Variants in ERC2 observed in about 807,000 individuals in gnomAD.
ERC2 encodes ERC protein 2.
Under a neutral mutation model 114.8 loss-of-function variants are expected in ERC2, and 42 were observed. The ratio of observed to expected loss-of-function variants is 0.37; its 90% confidence interval spans 0.29 to 0.47. The LOEUF (loss-of-function observed/expected upper bound fraction) is 0.47, where lower values mean the gene tolerates loss of function less well. Ranked by LOEUF, ERC2 falls within the 20% of genes least tolerant of loss-of-function variation. The pLI is 0.99. For synonymous variants in ERC2, 454 were observed against 425.5 expected (o/e 1.07, Z -0.82); for missense variants, 939 against 1,150.7 (o/e 0.82, Z 2.66).
intron 17 of ERC2, among the ~76,000 whole-genome samples, chr3:55,626,571 G>A (rs2059532152): frequency 6.6e-6 from 1 of 152,170 alleles, no homozygotes. Flanking sequence ...ACTGAATAAA[G>A]CCCAAGCCAG....
chr3:55,637,049 C>T (rs1478751908), intron 17 of ERC2, among the ~76,000 whole-genome samples: 1 of 152,202 alleles, frequency 6.6e-6, no homozygotes, highest in East Asian at 1.9e-4. Flanking sequence ...CTCCTGTCTT[C>T]CTGTCCCTCT....
intron 3 of ERC2, among the ~76,000 whole-genome samples, chr3:56,184,605 T>C (rs926697766): frequency 3.3e-5 from 5 of 150,708 alleles, no homozygotes; most frequent in Non-Finnish European, 5.9e-5. Flanking sequence ...ATACCCAAGA[T>C]TGCAAGGGTG....
intron 3 of ERC2, among the ~76,000 whole-genome samples, chr3:56,271,288 G>A (rs189356033): frequency 3.3e-5 from 5 of 152,266 alleles, no homozygotes; most frequent in East Asian, 3.9e-4. Context: ...CAACTGGGAC[G>A]GTTGGTCATC....
intron 6 of ERC2, among the ~76,000 whole-genome samples, chr3:56,092,562 C>T (rs1560160239): frequency 6.6e-6 from 1 of 152,174 alleles, no homozygotes; most frequent in Non-Finnish European, 1.5e-5. Context: ...ACTAACCTTA[C>T]CTCATTGAAC....
At chr3:56,047,683 T>C (rs1280424824) in intron 7 of ERC2, among the ~76,000 whole-genome samples, 1 of 152,312 alleles carries the variant, frequency 6.6e-6, no homozygotes, top group East Asian at 1.9e-4. Context: ...TTTCATACTT[T>C]CAAGTACTTT....
At chr3:56,382,883 G>C (rs544219420) in intron 2 of ERC2, among the ~76,000 whole-genome samples, 1 of 152,200 alleles carries the variant, frequency 6.6e-6, no homozygotes, top group East Asian at 1.9e-4. Context: ...ATGTCTAATA[G>C]ATACCCCAAG....
chr3:55,577,643 A>G (rs1166841779), intron 17 of ERC2, among the ~76,000 whole-genome samples: 1 of 152,166 alleles, frequency 6.6e-6, no homozygotes, highest in Non-Finnish European at 1.5e-5. Flanking sequence ...CATAGTCACC[A>G]GATAAGTCAG....
intron 14 of ERC2, among the ~76,000 whole-genome samples, chr3:55,860,091 C>A (rs1455332362): frequency 2.6e-5 from 4 of 152,170 alleles, no homozygotes; most frequent in Admixed American, 6.5e-5. Flanking sequence ...TTTAATTATA[C>A]CCTCAGCCCC....
intron 17 of ERC2, among the ~76,000 whole-genome samples, chr3:55,559,001 GT>G (rs368212519): frequency 9.8e-5 from 15 of 152,358 alleles, no homozygotes; most frequent in African/African-American, 3.6e-4. Flanking sequence ...TGGAGACACA[GT>G]TGGGCAGGCT....
chr3:56,088,057 T>C (rs1357231341), intron 6 of ERC2, among the ~76,000 whole-genome samples: 1 of 152,154 alleles, frequency 6.6e-6, no homozygotes. Flanking sequence ...CTGTGTTTTC[T>C]TCAGGAAATG....
intron 14 of ERC2, among the ~76,000 whole-genome samples, chr3:55,760,931 G>A (rs1575516739): frequency 1.3e-5 from 2 of 152,292 alleles, no homozygotes; most frequent in East Asian, 3.9e-4. Context: ...AAAGAAAATG[G>A]TAAGATGCAA....
At chr3:56,066,612 T>A (rs1167765170) in intron 7 of ERC2, among the ~76,000 whole-genome samples, 1 of 152,176 alleles carries the variant, frequency 6.6e-6, no homozygotes, top group East Asian at 1.9e-4. Context: ...GATGATGTCA[T>A]CATAAAATCT....
At chr3:55,551,193 C>T (rs1385770497) in intron 17 of ERC2, among the ~76,000 whole-genome samples, 1 of 151,864 alleles carries the variant, frequency 6.6e-6, no homozygotes, top group East Asian at 1.9e-4. Context: ...TACATACACA[C>T]ACATATATAT....
At chr3:55,903,833 T>A (rs1487745871) in intron 13 of ERC2, among the ~76,000 whole-genome samples, 1 of 152,216 alleles carries the variant, frequency 6.6e-6, no homozygotes, top group Non-Finnish European at 1.5e-5. Flanking sequence ...TTAATGTCAG[T>A]AGCACTATGT....
At chr3:56,429,340 T>C (rs1413207013) in intron 2 of ERC2, among the ~76,000 whole-genome samples, 1 of 152,178 alleles carries the variant, frequency 6.6e-6, no homozygotes, top group Non-Finnish European at 1.5e-5. Flanking sequence ...CGTAACAGTG[T>C]AGTATGGCAG....
At chr3:56,262,355 T>C (rs1470668693) in intron 3 of ERC2, among the ~76,000 whole-genome samples, 2 of 152,164 alleles carry the variant, frequency 1.3e-5, no homozygotes, top group Non-Finnish European at 2.9e-5. Flanking sequence ...TGAATATCAG[T>C]CAGAGTCATC....
rs2059652453 is a variant in ERC2 at position 55,809,980 on chromosome 3, A to C, written c.2565-75062T>G. 2.6e-5 allele frequency among the ~76,000 whole-genome samples: 4 copies of C among 152,338 alleles called. 1 individual carries two copies. The South Asian group carries it at 8.3e-4, about 32-fold the overall frequency. ...GCTTACACATGAAAAGCAAAGATGT[A>C]CTTCACATTAAATAATCCACGATGA... On this transcript the variant is annotated intron_variant, in intron 14 of 17. Coordinates refer to ENST00000288221, the MANE Select transcript of ERC2 (RefSeq NM_015576.3).
At chr3:55,586,094 C>G (rs1479715080) in intron 17 of ERC2, among the ~76,000 whole-genome samples, 1 of 152,162 alleles carries the variant, frequency 6.6e-6, no homozygotes, top group African/African-American at 2.4e-5. Context: ...ACAGAGGCCC[C>G]CATAGGCCTG....
At chr3:55,993,775 T>G (rs7614271) in intron 10 of ERC2, among the ~76,000 whole-genome samples, 26,205 of 151,944 alleles carry the variant, frequency 0.17, 2,658 homozygotes, top group African/African-American at 0.26. Flanking sequence ...TTTATTTTCA[T>G]TTATTTACTA....
Sources: allele counts gnomAD v4.1 joint callset (sites outside exome capture counted in the v4.1 genomes callset), GRCh38; gene constraint gnomAD v4.1.1; transcripts MANE v1.5; gene names NCBI Gene and HGNC (gene_info 2026-07-23, HGNC 2026-07-21).